The following DLC1 variants were observed in gnomAD, a reference collection of about 807,000 sequenced individuals.
The protein encoded by DLC1 is DLC1 Rho GTPase activating protein.
Under a neutral mutation model 140.3 loss-of-function variants are expected in DLC1, and 54 were observed. That is an observed-to-expected ratio of 0.38 (90% CI 0.31 to 0.48). DLC1 has a LOEUF of 0.48. DLC1 is among the 20% of genes least tolerant of loss of function. The probability of loss-of-function intolerance (pLI) is 0.96; values close to 1 mark genes in which losing one functional copy is unlikely to be tolerated. For missense variants in DLC1, 2,536 were observed against 1,907.0 expected, an observed-to-expected ratio of 1.33 and a Z score of -6.14; for synonymous variants, 986 against 728.1, an observed-to-expected ratio of 1.35 and a Z score of -5.70.
chr8:13,349,355 C>A (rs1834525711), intron 4 of DLC1, among the ~76,000 whole-genome samples: 1 of 152,092 alleles, frequency 6.6e-6, no homozygotes, highest in Non-Finnish European at 1.5e-5. Context: ...ATTCACCTAT[C>A]TTAGAGCCCT....
At chr8:13,129,375 A>G (rs1821888501) in intron 5 of DLC1, among the ~76,000 whole-genome samples, 3 of 152,232 alleles carry the variant, frequency 2.0e-5, no homozygotes, top group African/African-American at 4.8e-5. Flanking sequence ...TGTGCTTTCT[A>G]GGACACACTG....
chr8:13,448,066 C>T (rs1798866549), intron 2 of DLC1, among the ~76,000 whole-genome samples: 1 of 152,142 alleles, frequency 6.6e-6, no homozygotes, highest in African/African-American at 2.4e-5. Context: ...CTTTACTATG[C>T]TGAAGAGTAT....
chr8:13,566,165 A>G (rs1804420348), intron 1 of DLC1, among the ~76,000 whole-genome samples: 1 of 152,144 alleles, frequency 6.6e-6, no homozygotes, highest in East Asian at 1.9e-4. Context: ...ACTATTTAAA[A>G]AAAAATGCTG....
Position 13,099,863 on chromosome 8 carries a change from C to T in DLC1, c.2474G>A (p.Gly825Asp). The T allele has an allele frequency of 6.2e-7, 1 of 1,614,168 alleles. No homozygotes were observed. The highest frequency in any genetic ancestry group is 8.5e-7 in the Non-Finnish European group (1 of 1,180,038). Residue 825 changes from glycine (G) to aspartate (D), a missense_variant, in exon 9 of 18, where the codon GGC (glycine) becomes GAC (aspartate). By Grantham distance (94) the Gly-to-Asp change is moderately conservative. Transcript: ENST00000276297. ...GTTATTCCCCGAGGGGGAGAAACTG[C>T]CATTGGTGAGAGCTTTGGGGAAAGT... The part of the protein sequence containing the change: ...PGTFPKALTN[G>D]SFSPSGNNGS...
intron 7 of DLC1, among the ~76,000 whole-genome samples, chr8:13,105,048 T>C (rs1819445716): frequency 6.6e-6 from 1 of 152,198 alleles, no homozygotes; most frequent in African/African-American, 2.4e-5. Context: ...AAATAGTCAC[T>C]TGACTTCATT....
chr8:13,478,223 A>C (rs1469292157), intron 2 of DLC1, among the ~76,000 whole-genome samples: 1 of 151,884 alleles, frequency 6.6e-6, no homozygotes, highest in Non-Finnish European at 1.5e-5. Context: ...GGGAGCAGGC[A>C]CATCACATGA....
At chr8:13,145,448 A>G (rs1307089014) in intron 5 of DLC1, among the ~76,000 whole-genome samples, 1 of 152,208 alleles carries the variant, frequency 6.6e-6, no homozygotes, top group Non-Finnish European at 1.5e-5. Context: ...GTGTGTTACT[A>G]CAACTTCTTA....
chr8:13,253,160 T>A (rs993257447), intron 5 of DLC1, among the ~76,000 whole-genome samples: 1 of 152,134 alleles, frequency 6.6e-6, no homozygotes. Flanking sequence ...GTAAGAAAGC[T>A]CATATGGAAT....
chr8:13,374,406 G>A (rs1050299815), intron 4 of DLC1, among the ~76,000 whole-genome samples: 1 of 152,070 alleles, frequency 6.6e-6, no homozygotes, highest in African/African-American at 2.4e-5. Flanking sequence ...GGGCCTTTTT[G>A]CTATTTTATA....
At position 13,085,492 on chromosome 8, in the gene DLC1, G is replaced by A. The variant is rs115707103; in HGVS notation, c.*319C>T. On this transcript the variant is annotated 3_prime_UTR_variant, in exon 18 of 18. Coordinates refer to ENST00000276297, the MANE Select transcript of DLC1 (RefSeq NM_182643.3). ...AGGTACGCATACACTGATATCACAAGAGAATGAAGTATCTTCATTATCTTC... is the reference window on the plus strand; with the variant it reads ...AGGTACGCATACACTGATATCACAAAAGAATGAAGTATCTTCATTATCTTC... 2.7e-3 allele frequency: 603 copies of A among 219,400 alleles called. 8 individuals carry two copies. The highest frequency in any genetic ancestry group is 0.013 in the African/African-American group (568 of 43,992). The allele number at this position is 219,400 out of a possible 1,614,324, so 13.6% of individuals were successfully genotyped here.
intron 2 of DLC1, among the ~76,000 whole-genome samples, chr8:13,434,427 T>G (rs1839023354): frequency 6.6e-6 from 1 of 152,164 alleles, no homozygotes; most frequent in Non-Finnish European, 1.5e-5. Context: ...AGTGTTTTCT[T>G]TGGAGCTGTA....
chr8:13,600,806 C>G (rs1404496590), intron 1 of DLC1, among the ~76,000 whole-genome samples: 1 of 151,512 alleles, frequency 6.6e-6, no homozygotes, highest in Non-Finnish European at 1.5e-5. Flanking sequence ...CAGAAATATA[C>G]AAGTGTAGAT....
At chr8:13,105,611 G>C (rs1819498466) in intron 7 of DLC1, among the ~76,000 whole-genome samples, 1 of 146,756 alleles carries the variant, frequency 6.8e-6, no homozygotes, top group Admixed American at 6.8e-5. Context: ...TTTTTTTGGA[G>C]ACAGTCTTGC....
intron 5 of DLC1, chr8:13,214,830 T>C (rs1160485553): frequency 1.3e-6 from 1 of 767,282 alleles, no homozygotes; most frequent in East Asian, 2.4e-5. Context: ...ATTTGAGTGC[T>C]GGTGGCAATC....
chr8:13,387,062 G>A (rs1211642447), intron 4 of DLC1, among the ~76,000 whole-genome samples: 2 of 152,026 alleles, frequency 1.3e-5, no homozygotes, highest in Admixed American at 1.3e-4. Context: ...CAAATTTTTT[G>A]ATGTTTCTGA....
intron 1 of DLC1, chr8:13,568,189 A>AAGT: frequency 2.3e-6 from 1 of 441,052 alleles, no homozygotes; most frequent in Non-Finnish European, 4.1e-6. Flanking sequence ...TACAGAAGCA[A>AAGT]AGTAGTATGG....
chr8:13,521,411 A>C (rs1266608601), intron 1 of DLC1, among the ~76,000 whole-genome samples: 3 of 151,810 alleles, frequency 2.0e-5, no homozygotes, highest in Non-Finnish European at 4.4e-5. Flanking sequence ...TTAAAATTAA[A>C]AAAAAAAAAA....
chr8:13,267,202 A>G (rs967258752), intron 5 of DLC1, among the ~76,000 whole-genome samples: 2 of 152,232 alleles, frequency 1.3e-5, no homozygotes, highest in Non-Finnish European at 2.9e-5. Flanking sequence ...CTGAAAAACA[A>G]TATGCTTGAT....
chr8:13,445,233 G>A (rs1268635529), intron 2 of DLC1, among the ~76,000 whole-genome samples: 1 of 152,188 alleles, frequency 6.6e-6, no homozygotes, highest in Non-Finnish European at 1.5e-5. Context: ...CTGTTCAAAA[G>A]TCAGTGGGCA....
Sources: gnomAD v4.1 joint callset for allele counts (sites outside exome capture counted in the v4.1 genomes callset) on GRCh38, gnomAD v4.1.1 for gene constraint, MANE v1.5 for transcripts, NCBI Gene and HGNC (gene_info 2026-07-23, HGNC 2026-07-21) for gene names.